Variants in SUGP2 observed in about 807,000 individuals in gnomAD.
SUGP2 encodes the protein SURP and G-patch domain-containing protein 2.
Under a neutral mutation model 90.5 loss-of-function variants are expected in SUGP2, and 24 were observed. The observed-to-expected ratio is 0.27, with a 90% confidence interval of 0.19 to 0.37. The LOEUF is 0.37. Ranked by LOEUF, SUGP2 falls within the 10% of genes least tolerant of loss-of-function variation. The pLI is 1.00. For synonymous variants in SUGP2, 473 were observed against 513.4 expected (o/e 0.92, Z 1.06); for missense variants, 1,233 against 1,363.3 (o/e 0.90, Z 1.51).
At chr19:19,032,738 A>T (rs2059225732) in intron 1 of SUGP2, among the ~76,000 whole-genome samples, 1 of 152,146 alleles carries the variant, frequency 6.6e-6, no homozygotes, top group African/African-American at 2.4e-5. Context: ...ACCTGGCAAA[A>T]AGGGTATTCG....
intron 4 of SUGP2, among the ~76,000 whole-genome samples, chr19:19,012,691 T>C (rs1217965121): frequency 6.6e-6 from 1 of 152,236 alleles, no homozygotes; most frequent in Non-Finnish European, 1.5e-5. Context: ...CTAGTAGTCA[T>C]TAACCGCTCA....
chr19:19,008,735 T>C (rs1011613594), intron 5 of SUGP2, among the ~76,000 whole-genome samples: 1 of 152,166 alleles, frequency 6.6e-6, no homozygotes, highest in African/African-American at 2.4e-5. Context: ...CCAACCCCAA[T>C]TGCCAGGTGA....
chr19:19,023,661 G>A (rs2058813277), intron 3 of SUGP2, among the ~76,000 whole-genome samples: 1 of 152,176 alleles, frequency 6.6e-6, no homozygotes, highest in South Asian at 2.1e-4. Flanking sequence ...CACTTTGGGA[G>A]GCTGAGGCAG....
rs749964263 is a variant in SUGP2 at position 19,012,868 on chromosome 19, A to AT, written c.1851-2527dup. Among the ~76,000 whole-genome samples, 380 of 146,758 alleles carry AT rather than the reference A, an allele frequency of 2.6e-3. 2 individuals are homozygous for AT. The highest frequency in any genetic ancestry group is 6.5e-3 in the East Asian group (33 of 5,046). ...CTTATCATGGTTTTGGACTTAAATG[A>AT]TTTTTTTTTTTTTGAGACGGAGTCT... On this transcript the variant is annotated intron_variant, in intron 4 of 10. Transcript: ENST00000452918.
intron 4 of SUGP2, among the ~76,000 whole-genome samples, chr19:19,017,514 G>A (rs1371853163): frequency 6.6e-6 from 1 of 152,078 alleles, no homozygotes; most frequent in Non-Finnish European, 1.5e-5. Flanking sequence ...GCTCACGCCT[G>A]TAATCCCAGC....
chr19:19,025,661 C>G lies in SUGP2; in HGVS notation c.687G>C (p.Gly229=). The change falls in exon 3 of 11, where the codon GGG becomes GGC. Residue 229 remains glycine (G), a synonymous_variant. Transcript: ENST00000452918. ...TAGCTGTGAGCAGGCCCTGAGTCTCCCCCTTTCCTAGGAGGGAACCTTCCT... is the reference window on the plus strand; with the variant it reads ...TAGCTGTGAGCAGGCCCTGAGTCTCGCCCTTTCCTAGGAGGGAACCTTCCT... ...VDQEGSLLGK[G]ETQGLLTAKG... 1 of 1,613,968 alleles carries G rather than the reference C, an allele frequency of 6.2e-7. No individual in the cohort carries two copies. Among genetic ancestry groups the G allele is most frequent in the Non-Finnish European group, 8.5e-7 (1 of 1,179,980 alleles).
chr19:19,001,774 G>A lies in SUGP2; in HGVS notation c.2930-100C>T, dbSNP rs2057843931. The A allele has an allele frequency of 4.1e-6, 5 of 1,213,406 alleles. No individual in the cohort carries two copies. In the Admixed American group the frequency reaches 7.2e-5, roughly 18 times the overall value. 75.2% of individuals were successfully genotyped at this position (1,213,406 alleles called of 1,614,324 possible). Reference sequence around the variant, plus strand: ...AGTCTATTTTGGCTAACAGTTCTCTGATGACAGAAGGTGTCTTAGGCTCTG... The same window carrying A: ...AGTCTATTTTGGCTAACAGTTCTCTAATGACAGAAGGTGTCTTAGGCTCTG... On this transcript the variant is annotated intron_variant, in intron 7 of 10. Transcript: ENST00000452918.
chr19:19,004,248 C>T lies in SUGP2; in HGVS notation c.2849G>A (p.Arg950Gln), dbSNP rs1380890766. 8 of 1,612,110 alleles carry T rather than the reference C, an allele frequency of 5.0e-6. No individual in the cohort carries two copies. The highest frequency in any genetic ancestry group is 1.3e-5 in the African/African-American group (1 of 74,910). ...CAATGACTTGCTGCTGATCCTCTTC[C>T]GAGGGAAGCAGGTACCTGAGGAGGC... ...SQASSGTCFP[R>Q]KRISSKSLKV... is the part of the protein sequence containing the mutation. Residue 950 changes from arginine to glutamine, a missense_variant, in exon 7 of 11, where the codon CGG (arginine) becomes CAG (glutamine). This residue lies in a region of SUGP2 where 105 missense variants were observed against 155.2 expected (regional missense o/e 0.68). Transcript: ENST00000452918.
chr19:19,022,274 G>A (rs553722394), intron 3 of SUGP2, among the ~76,000 whole-genome samples: 231 of 152,330 alleles, frequency 1.5e-3, no homozygotes, highest in Middle Eastern at 3.4e-3. Context: ...ATGAGCCACT[G>A]CGCCTGGCCC....
In SUGP2 at chr19:19,033,467, G is replaced by C; in HGVS notation, c.-42C>G. ...GACCACCGCGCGCGGAGCCACCCCC[G>C]CCGCCGCCTCAGGCTCCTCACCCGC... On this transcript the variant is annotated 5_prime_UTR_variant, in exon 1 of 11. Coordinates refer to ENST00000452918, the MANE Select transcript of SUGP2 (RefSeq NM_001017392.5). 2.1e-6 allele frequency: 3 copies of C among 1,400,398 alleles called. No homozygotes were observed. Among genetic ancestry groups the C allele is most frequent in the South Asian group, 1.4e-5 (1 of 73,890 alleles). 86.7% of individuals were successfully genotyped at this position (1,400,398 alleles called of 1,614,324 possible). A position where few individuals can be genotyped will look rare whatever the true frequency, so the allele number is the denominator to read the frequency against.
intron 8 of SUGP2, among the ~76,000 whole-genome samples, chr19:18,998,274 C>T (rs559109939): frequency 2.6e-5 from 4 of 152,298 alleles, no homozygotes; most frequent in Non-Finnish European, 2.9e-5. Context: ...TGCTTATGCA[C>T]GTGAATAAAT....
rs754222986 is a variant in SUGP2 at position 19,008,309 on chromosome 19, G to A, written c.2450+8C>T. 1.2e-6 allele frequency: 2 copies of A among 1,604,512 alleles called. No individual in the cohort carries two copies. The highest frequency in any genetic ancestry group is 2.2e-5 in the South Asian group (2 of 90,872). Reference sequence around the variant, plus strand: ...AAAAGGTGTGATGAGACCCGGGGGGGTACGTACCACAGGTCAGGGTTATCG... The same window carrying A: ...AAAAGGTGTGATGAGACCCGGGGGGATACGTACCACAGGTCAGGGTTATCG... On this transcript the variant is annotated splice_region_variant and intron_variant, in intron 6 of 10. Transcript: ENST00000452918.
intron 8 of SUGP2, among the ~76,000 whole-genome samples, chr19:18,996,678 G>C (rs775678029): frequency 1.3e-5 from 2 of 152,034 alleles, no homozygotes; most frequent in Admixed American, 1.3e-4. Context: ...TCAGCCTCCC[G>C]AGTAGCTGAG....
At chr19:19,018,420 G>A (rs1269106301) in intron 4 of SUGP2, among the ~76,000 whole-genome samples, 1 of 151,622 alleles carries the variant, frequency 6.6e-6, no homozygotes, top group East Asian at 1.9e-4. Flanking sequence ...GGGCGCGGTG[G>A]CTCACGCCTG....
intron 3 of SUGP2, among the ~76,000 whole-genome samples, chr19:19,019,681 A>G (rs1002196115): frequency 2.5e-4 from 38 of 152,040 alleles, no homozygotes; most frequent in African/African-American, 7.9e-4. Flanking sequence ...AAAGAAGACT[A>G]TAAGGAAATA....
intron 1 of SUGP2, chr19:19,033,058 G>C (rs2059247372): frequency 6.5e-6 from 1 of 153,552 alleles, no homozygotes; most frequent in South Asian, 2.1e-4. Flanking sequence ...CTATGGAATG[G>C]GCAGCCAGTA....
At chr19:19,013,142 C>T (rs1313016028) in intron 4 of SUGP2, among the ~76,000 whole-genome samples, 3 of 152,194 alleles carry the variant, frequency 2.0e-5, no homozygotes, top group African/African-American at 4.8e-5. Flanking sequence ...GCTGGGATTA[C>T]AGGCATGAGC....
chr19:19,009,726 TG>T, intron 5 of SUGP2, 128 bp downstream of exon 5: 1 of 1,238,564 alleles, frequency 8.1e-7, no homozygotes, highest in Non-Finnish European at 1.1e-6. Flanking sequence ...ACACTTGTCC[TG>T]GCCAGGTCCC....
intron 4 of SUGP2, among the ~76,000 whole-genome samples, chr19:19,018,804 T>A (rs534848659): frequency 1.3e-5 from 2 of 152,296 alleles, no homozygotes; most frequent in South Asian, 4.1e-4. Context: ...ATTACTAATC[T>A]TACTACCCTT....
Sources: allele counts gnomAD v4.1 joint callset (sites outside exome capture counted in the v4.1 genomes callset), GRCh38; gene constraint gnomAD v4.1.1; regional missense constraint gnomAD v4.1.1; transcripts MANE v1.5; gene names NCBI Gene and HGNC (gene_info 2026-07-23, HGNC 2026-07-21).